The following MITF variants were observed in gnomAD, a reference collection of about 807,000 sequenced individuals.
MITF encodes the protein melanocyte inducing transcription factor.
In MITF, 17 loss-of-function variants were observed where a neutral mutation model predicts 60.5. That is an observed-to-expected ratio of 0.28 (90% confidence interval 0.19 to 0.42). MITF has a LOEUF of 0.42. Ranked by LOEUF, MITF falls within the 10% of genes least tolerant of loss-of-function variation. The pLI, the probability that MITF is intolerant of heterozygous loss-of-function variation, is 1.00. For missense variants in MITF, 622 were observed against 683.5 expected, an observed-to-expected ratio of 0.91 and a Z score of 1.00; for synonymous variants, 260 against 248.5, an observed-to-expected ratio of 1.05 and a Z score of -0.43.
At chr3:69,810,546 A>G (rs567529310) in intron 1 of MITF, among the ~76,000 whole-genome samples, 94 of 152,236 alleles carry the variant, frequency 6.2e-4, no homozygotes, top group African/African-American at 2.2e-3. Context: ...TTGATCTTTT[A>G]TCAAAAGATC....
intron 1 of MITF, among the ~76,000 whole-genome samples, chr3:69,842,287 T>C (rs1030641129): frequency 6.6e-6 from 1 of 152,108 alleles, no homozygotes; most frequent in African/African-American, 2.4e-5. Flanking sequence ...AGCACAATGC[T>C]AAAAAATTTC....
At chr3:69,963,879 C>A (rs916503126) in intron 9 of MITF, among the ~76,000 whole-genome samples, 1 of 151,904 alleles carries the variant, frequency 6.6e-6, no homozygotes, top group Non-Finnish European at 1.5e-5. Flanking sequence ...GAGTTCATTG[C>A]AGCACACATG....
At chr3:69,910,182 T>C (rs140277225) in intron 2 of MITF, among the ~76,000 whole-genome samples, 2 of 152,126 alleles carry the variant, frequency 1.3e-5, no homozygotes, top group Non-Finnish European at 2.9e-5. Context: ...GCTTCAGAGG[T>C]TGGAGGCCCC....
In MITF at chr3:69,879,375, G is replaced by T; in HGVS notation, c.346G>T (p.Val116Phe). The T allele has an allele frequency of 6.2e-7, 1 of 1,614,222 alleles. No individual in the cohort carries two copies. Among genetic ancestry groups the T allele is most frequent in the Non-Finnish European group, 8.5e-7 (1 of 1,180,038 alleles). ...CTCTGCCACGCAGGTGCCGATGGAA[G>T]TCCTTAAGGTACGTGAGTGTTGCTC... ...LPSATQVPME[V>F]LKVQTHLENP... The change falls in exon 2 of 10, where the codon GTC (valine) becomes TTC (phenylalanine). Residue 116 changes from valine (V) to phenylalanine (F), a missense_variant. This residue lies in a region of MITF where 149 missense variants were observed against 157.8 expected (regional missense o/e 0.94). Coordinates refer to ENST00000352241, the MANE Select transcript of MITF (RefSeq NM_001354604.2).
At chr3:69,845,442 C>CTTTTTTTTTTTTT (rs751773040) in intron 1 of MITF, among the ~76,000 whole-genome samples, 27 of 136,800 alleles carry the variant, frequency 2.0e-4, no homozygotes, top group Non-Finnish European at 3.4e-4. Flanking sequence ...TTTTTTCTTT[C>CTTTTTTTTTTTTT]TTTTTTTTTT....
At chr3:69,895,207 A>G (rs1278205224) in intron 2 of MITF, among the ~76,000 whole-genome samples, 2 of 152,252 alleles carry the variant, frequency 1.3e-5, no homozygotes, top group Non-Finnish European at 2.9e-5. Flanking sequence ...TGTTAGATAC[A>G]TAAAACAGTT....
At chr3:69,776,369 G>A (rs991695928) in intron 1 of MITF, among the ~76,000 whole-genome samples, 6 of 152,174 alleles carry the variant, frequency 3.9e-5, no homozygotes, top group African/African-American at 1.4e-4. Context: ...ATAGTTAAGG[G>A]CACAGACTCT....
At chr3:69,909,588 C>T (rs915585867) in intron 2 of MITF, among the ~76,000 whole-genome samples, 4 of 151,842 alleles carry the variant, frequency 2.6e-5, no homozygotes, top group Admixed American at 2.6e-4. Flanking sequence ...GTGATATGAA[C>T]AATAAGGCCC....
At position 69,941,982 on chromosome 3, in the gene MITF, G is replaced by A. The variant is rs9861114; in HGVS notation, c.762+651G>A. ...TGAGTCAAGTTCGGATGGTATCATT[G>A]CCCTCAGTTTTAAACTGTAACTAGG... On this transcript the variant is annotated intron_variant, in intron 5 of 9. Coordinates refer to ENST00000352241, the MANE Select transcript of MITF (RefSeq NM_001354604.2). 8.0e-3 allele frequency among the ~76,000 whole-genome samples: 1,214 copies of A among 152,142 alleles called. 12 individuals carry two copies. The highest frequency in any genetic ancestry group is 0.028 in the African/African-American group (1,152 of 41,482).
chr3:69,916,045 G>C (rs1053509592), intron 2 of MITF, among the ~76,000 whole-genome samples: 12 of 152,210 alleles, frequency 7.9e-5, no homozygotes, highest in African/African-American at 2.9e-4. Flanking sequence ...AAGTTTGAAA[G>C]GCAGAAAACA....
At chr3:69,913,908 T>C (rs1462996854) in intron 2 of MITF, among the ~76,000 whole-genome samples, 1 of 152,180 alleles carries the variant, frequency 6.6e-6, no homozygotes, top group Non-Finnish European at 1.5e-5. Flanking sequence ...TGTGACACAA[T>C]GGATTATGGC....
intron 1 of MITF, among the ~76,000 whole-genome samples, chr3:69,741,621 A>C (rs930330832): frequency 2.6e-5 from 4 of 152,202 alleles, no homozygotes; most frequent in East Asian, 3.8e-4. Context: ...ATGGCTTCAC[A>C]CGTTAATGCT....
chr3:69,811,242 G>T (rs902726150), intron 1 of MITF, among the ~76,000 whole-genome samples: 1 of 152,190 alleles, frequency 6.6e-6, no homozygotes, highest in African/African-American at 2.4e-5. Context: ...AATACTTTAC[G>T]AGTATTTACA....
chr3:69,859,087 T>C (rs2063967680), intron 1 of MITF, among the ~76,000 whole-genome samples: 1 of 152,198 alleles, frequency 6.6e-6, no homozygotes, highest in South Asian at 2.1e-4. Flanking sequence ...AGAGTAAAAC[T>C]AGGATACGAA....
intron 1 of MITF, among the ~76,000 whole-genome samples, chr3:69,780,265 G>A (rs2062542263): frequency 6.6e-6 from 1 of 152,150 alleles, no homozygotes. Flanking sequence ...TACCATTTGT[G>A]ACTATAGGTC....
intron 1 of MITF, among the ~76,000 whole-genome samples, chr3:69,848,610 A>G (rs906298966): frequency 6.6e-6 from 1 of 152,234 alleles, no homozygotes; most frequent in African/African-American, 2.4e-5. Context: ...TCTGCACGGT[A>G]ATATCATGCT....
At chr3:69,913,200 T>A (rs779095705) in intron 2 of MITF, among the ~76,000 whole-genome samples, 12 of 152,120 alleles carry the variant, frequency 7.9e-5, no homozygotes, top group Non-Finnish European at 1.8e-4. Context: ...AGAGAATGCA[T>A]GTAAACTCTT....
intron 2 of MITF, among the ~76,000 whole-genome samples, chr3:69,886,846 T>C (rs759102586): frequency 5.9e-5 from 9 of 152,086 alleles, no homozygotes; most frequent in Non-Finnish European, 1.3e-4. Context: ...TATAACAACA[T>C]CCAAAAATCA....
Position 69,792,998 on chromosome 3 carries a change from C to CTTTTTTTTTTT in MITF, c.104+53320_104+53330dup, listed in dbSNP as rs58440406. On this transcript the variant is annotated intron_variant, in intron 1 of 9. Transcript: ENST00000352241. ...TTGTTTTATGGGCTAAAGTCTTTAG[C>CTTTTTTTTTTT]TTTTTTTTTTTTTTTTTTTTTTTTT... Among the ~76,000 whole-genome samples, 4 of 31,094 alleles carry CTTTTTTTTTTT rather than the reference C, an allele frequency of 1.3e-4. 1 individual carries two copies. The highest frequency in any genetic ancestry group is 2.2e-4 in the Non-Finnish European group (4 of 18,290). The allele number at this position is 31,094 out of a possible 152,430, so 20.4% of individuals were successfully genotyped here.
Sources: gnomAD v4.1 joint callset for allele counts (sites outside exome capture counted in the v4.1 genomes callset) on GRCh38, gnomAD v4.1.1 for gene constraint, gnomAD v4.1.1 regional missense constraint, MANE v1.5 for transcripts, NCBI Gene and HGNC (gene_info 2026-07-23, HGNC 2026-07-21) for gene names.